Variants in CERS6 observed in about 807,000 individuals in gnomAD.
CERS6 encodes the protein ceramide synthase 6.
A neutral mutation model predicts 56.8 loss-of-function variants in CERS6; 26 were observed. The ratio of observed to expected loss-of-function variants is 0.46; its 90% CI spans 0.34 to 0.63. CERS6 has a LOEUF of 0.63. Ranked by LOEUF, CERS6 falls within the 30% of genes least tolerant of loss-of-function variation. CERS6 has a pLI of 0.01. For synonymous variants in CERS6, 164 were observed against 173.3 expected, an observed-to-expected ratio of 0.95 and a Z score of 0.42; for missense variants, 415 against 467.5, an observed-to-expected ratio of 0.89 and a Z score of 1.04.
intron 1 of CERS6, among the ~76,000 whole-genome samples, chr2:168,546,019 A>G (rs1047198378): frequency 2.0e-5 from 3 of 152,138 alleles, no homozygotes; most frequent in Non-Finnish European, 4.4e-5. Context: ...GCTGGACCGT[A>G]TGTCTTTTCA....
At position 168,770,600 on chromosome 2, in the gene CERS6, A is replaced by C. The variant is rs752211485; in HGVS notation, c.*938A>C. ...GCAGTCTTATGTTATAAAAGAAAGA[A>C]GTTAACTATATTTGGGGACAAAAAA... On this transcript the variant is annotated 3_prime_UTR_variant, in exon 10 of 10. Transcript: ENST00000305747. 1 of 152,600 alleles carries C rather than the reference A, an allele frequency of 6.6e-6. No individual in the cohort carries two copies. Among genetic ancestry groups the C allele is most frequent in the African/African-American group, 2.4e-5 (1 of 41,404 alleles). The allele number at this position is 152,600 out of a possible 1,614,324, so 9.5% of individuals were successfully genotyped here.
chr2:168,670,118 AT>A (rs1343366999), intron 4 of CERS6, among the ~76,000 whole-genome samples: 1 of 152,204 alleles, frequency 6.6e-6, no homozygotes, highest in Non-Finnish European at 1.5e-5. Flanking sequence ...TACTTTTAAA[AT>A]TCTTGCTCTT....
At chr2:168,568,570 TAC>T (rs1371255593) in intron 3 of CERS6, among the ~76,000 whole-genome samples, 2 of 64,144 alleles carry the variant, frequency 3.1e-5, no homozygotes, top group Non-Finnish European at 8.3e-5. Flanking sequence ...TTACTGCTTA[TAC>T]AGTGTCGTAT....
chr2:168,510,816 G>A (rs922119659), intron 1 of CERS6, among the ~76,000 whole-genome samples: 4 of 151,772 alleles, frequency 2.6e-5, no homozygotes, highest in South Asian at 2.1e-4. Flanking sequence ...ACTGTTTTAC[G>A]TGCATTAACT....
At chr2:168,722,383 A>G (rs1182340843) in intron 8 of CERS6, among the ~76,000 whole-genome samples, 3 of 150,326 alleles carry the variant, frequency 2.0e-5, no homozygotes, top group African/African-American at 2.4e-5. Flanking sequence ...ATTTACTCCT[A>G]TTTTTTTTTC....
chr2:168,694,202 G>T (rs1254608949), intron 5 of CERS6, among the ~76,000 whole-genome samples: 1 of 152,050 alleles, frequency 6.6e-6, no homozygotes, highest in Non-Finnish European at 1.5e-5. Flanking sequence ...GTTTTTAGTG[G>T]GATTATGTGC....
chr2:168,576,825 G>C (rs890736408), intron 3 of CERS6, among the ~76,000 whole-genome samples: 2 of 152,186 alleles, frequency 1.3e-5, no homozygotes, highest in Non-Finnish European at 2.9e-5. Context: ...AAGATAAATA[G>C]AATCTTCTGG....
At chr2:168,542,626 T>G (rs886433108) in intron 1 of CERS6, among the ~76,000 whole-genome samples, 6 of 152,196 alleles carry the variant, frequency 3.9e-5, no homozygotes, top group Admixed American at 6.5e-5. Context: ...TGTTTATTTT[T>G]TTTAATAACC....
intron 1 of CERS6, among the ~76,000 whole-genome samples, chr2:168,499,267 G>A (rs1425299886): frequency 6.6e-6 from 1 of 152,148 alleles, no homozygotes; most frequent in African/African-American, 2.4e-5. Context: ...AGCAATATAA[G>A]AGCCGAAACC....
At position 168,770,042 on chromosome 2, in the gene CERS6, A is replaced by G. The variant is rs1265337707; in HGVS notation, c.*380A>G. On this transcript the variant is annotated 3_prime_UTR_variant, in exon 10 of 10. Transcript: ENST00000305747. ...TCCCCCTTTCTCTTGCTGTAGTCCA[A>G]TGTGCTATGAGCATCAGCTTACTTT... 8 of 242,044 alleles carry G rather than the reference A, an allele frequency of 3.3e-5. No individual in the cohort carries two copies. Among genetic ancestry groups the G allele is most frequent in the South Asian group, 4.7e-5 (1 of 21,068 alleles). The allele number at this position is 242,044 out of a possible 1,614,324, so 15.0% of individuals were successfully genotyped here.
intron 8 of CERS6, among the ~76,000 whole-genome samples, chr2:168,744,640 CAAT>C (rs1413243730): frequency 6.6e-6 from 1 of 152,066 alleles, no homozygotes; most frequent in Non-Finnish European, 1.5e-5. Context: ...CTGCTGTCCT[CAAT>C]AAAGTGGATA....
At chr2:168,566,704 A>T (rs1695889745) in intron 3 of CERS6, among the ~76,000 whole-genome samples, 1 of 151,822 alleles carries the variant, frequency 6.6e-6, no homozygotes, top group Non-Finnish European at 1.5e-5. Flanking sequence ...CAAGCAGTTG[A>T]GTCTCTTATA....
At chr2:168,747,205 G>C (rs556155883) in intron 8 of CERS6, among the ~76,000 whole-genome samples, 14 of 152,174 alleles carry the variant, frequency 9.2e-5, no homozygotes, top group Admixed American at 6.5e-4. Context: ...AAGATCGCTT[G>C]AGCCCAGGAG....
chr2:168,569,556 T>G (rs909358458), intron 3 of CERS6, among the ~76,000 whole-genome samples: 5 of 152,260 alleles, frequency 3.3e-5, no homozygotes, highest in African/African-American at 1.2e-4. Context: ...TGTGCATATA[T>G]ACTCCTAGGC....
At chr2:168,766,362 C>T in intron 9 of CERS6, 1 of 1,596,944 alleles carries the variant, frequency 6.3e-7, no homozygotes, top group Non-Finnish European at 8.5e-7. Flanking sequence ...TTCTCCTCCT[C>T]TCTCTCTATC....
chr2:168,511,172 T>G (rs1694781280), intron 1 of CERS6, among the ~76,000 whole-genome samples: 1 of 152,226 alleles, frequency 6.6e-6, no homozygotes, highest in Non-Finnish European at 1.5e-5. Flanking sequence ...CCATTTCTCC[T>G]TGGTTGGGTC....
chr2:168,581,383 T>C (rs1483955103), intron 3 of CERS6, among the ~76,000 whole-genome samples: 1 of 152,182 alleles, frequency 6.6e-6, no homozygotes, highest in Admixed American at 6.5e-5. Context: ...TTGCTGCTTC[T>C]CTACTCTCAC....
intron 1 of CERS6, among the ~76,000 whole-genome samples, chr2:168,510,947 A>G (rs1008085309): frequency 6.6e-6 from 1 of 152,222 alleles, no homozygotes; most frequent in Non-Finnish European, 1.5e-5. Flanking sequence ...GTCCACAGCT[A>G]TACAAACACT....
intron 1 of CERS6, among the ~76,000 whole-genome samples, chr2:168,490,275 T>C (rs1694346602): frequency 1.3e-5 from 2 of 152,166 alleles, no homozygotes. Context: ...CTCTCCGTGA[T>C]TCCCCCATCC....
Sources: allele counts gnomAD v4.1 joint callset (sites outside exome capture counted in the v4.1 genomes callset), GRCh38; gene constraint gnomAD v4.1.1; transcripts MANE v1.5; gene names NCBI Gene and HGNC (gene_info 2026-07-23, HGNC 2026-07-21).